Variants in IMPDH1 observed in about 807,000 individuals in gnomAD.
IMPDH1 encodes the protein inosine monophosphate dehydrogenase 1, also known as inosine-5'-monophosphate dehydrogenase 1.
IMPDH1 carries 41 observed loss-of-function variants against 73.5 expected under a neutral mutation model. That is an observed-to-expected ratio of 0.56 (90% CI 0.43 to 0.72). IMPDH1 has a LOEUF of 0.72. Among genes scored for constraint, IMPDH1 ranks in the 30% least tolerant of loss-of-function variants. IMPDH1 has a pLI of 0.00. For synonymous variants in IMPDH1, 318 were observed against 334.3 expected, an observed-to-expected ratio of 0.95 and a Z score of 0.53; for missense variants, 645 against 824.8, an observed-to-expected ratio of 0.78 and a Z score of 2.67.
Position 128,394,610 on chromosome 7 carries a change from G to A in IMPDH1, c.1551-11C>T. On this transcript the variant is annotated splice_polypyrimidine_tract_variant and intron_variant, in intron 14 of 16. Transcript: ENST00000338791. This position sits in a 1 kb window ranked among gnomAD's most constrained non-coding sequence, Gnocchi z 5.5. ...ACTTTATCCCCCTCGCTGCGTGGAG[G>A]GTGGAAGACTGAGCCCAGCAGCTTG... 6.2e-7 allele frequency: 1 copy of A among 1,613,104 alleles called. No homozygotes were observed.
rs1306879611 is a variant in IMPDH1 at position 128,403,727 on chromosome 7, T to C, written c.381A>G (p.Ile127Met). The C allele has an allele frequency of 1.9e-6, 3 of 1,614,030 alleles. No homozygotes were observed. Among genetic ancestry groups the C allele is most frequent in the Admixed American group, 1.7e-5 (1 of 60,022 alleles). The change falls in exon 5 of 17, where the codon ATA becomes ATG. Residue 127 changes from isoleucine to methionine, a missense_variant. Coordinates refer to ENST00000338791, the MANE Select transcript of IMPDH1 (RefSeq NM_000883.4). ...YNDFLILPGF[I>M]DFIADEVDLT... is the part of the protein sequence containing the mutation. ...TCACCACCTCATCAGCTATGAAGTC[T>C]ATGAATCCTGGGAGAATCAGGAAGT...
chr7:128,394,709 C>G lies in IMPDH1; in HGVS notation c.1551-110G>C. ...GCCCAGGAAGGTCCCCCAGGCCACCCCTCACTGGGCTGAGTCAGATGGCCC... is the reference window on the plus strand; with the variant it reads ...GCCCAGGAAGGTCCCCCAGGCCACCGCTCACTGGGCTGAGTCAGATGGCCC... On this transcript the variant is annotated intron_variant, in intron 14 of 16. Coordinates refer to ENST00000338791, the MANE Select transcript of IMPDH1 (RefSeq NM_000883.4). The surrounding 1 kb of genome is among the most constrained non-coding windows in gnomAD (Gnocchi z 5.5). The G allele has an allele frequency of 6.9e-7, 1 of 1,452,846 alleles. No individual in the cohort carries two copies. Among genetic ancestry groups the G allele is most frequent in the Non-Finnish European group, 9.5e-7 (1 of 1,050,792 alleles). 90.0% of individuals were successfully genotyped at this position (1,452,846 alleles called of 1,614,324 possible).
chr7:128,399,191 C>T (rs985344246), intron 9 of IMPDH1, among the ~76,000 whole-genome samples: 6 of 151,698 alleles, frequency 4.0e-5, no homozygotes, highest in African/African-American at 1.5e-4. Flanking sequence ...TGGTGAAACC[C>T]CATCTCTACT....
rs1432272863 is a variant in IMPDH1, at chr7:128,394,322, C to T, written c.1734G>A (p.Arg578=). 6.2e-7 allele frequency: 1 copy of T among 1,614,080 alleles called. No individual in the cohort carries two copies. Among genetic ancestry groups the T allele is most frequent in the African/African-American group, 1.3e-5 (1 of 75,008 alleles). The change falls in exon 16 of 17, where the codon CGG becomes CGA. Residue 578 remains arginine (R), a synonymous_variant. Coordinates refer to ENST00000338791, the MANE Select transcript of IMPDH1 (RefSeq NM_000883.4). The surrounding 1 kb of genome is among the most constrained non-coding windows in gnomAD (Gnocchi z 5.5). ...CACCCTCAATCTGGGCCGACATGGT[C>T]CGCTTCTCAAACTTGAGCTCTCCTG... ...MYSGELKFEK[R]TMSAQIEGGV... is the part of the protein sequence containing the mutation.
chr7:128,401,084 C>G lies in IMPDH1; in HGVS notation c.435G>C (p.Thr145=). 6.2e-7 allele frequency: 1 copy of G among 1,613,946 alleles called. No individual in the cohort carries two copies. The highest frequency in any genetic ancestry group is 8.5e-7 in the Non-Finnish European group (1 of 1,180,008). The change falls in exon 6 of 17, where the codon ACG becomes ACC. Residue 145 remains threonine (T), a synonymous_variant. Coordinates refer to ENST00000338791, the MANE Select transcript of IMPDH1 (RefSeq NM_000883.4). ...DLTSALTRKI[T]LKTPLISSPM... ...GGGAGGAGATCAGTGGCGTCTTCAG[C>G]GTGATCTTCCGGGTCAGGGCTGAGG...
Position 128,408,494 on chromosome 7 carries a change from A to G in IMPDH1, c.254+795T>C, listed in dbSNP as rs539926220. ...GGCGAAGGCAGGTGGAGGTCTGGCC[A>G]GCAGGTTTTGAATCTCACTACACCA... On this transcript the variant is annotated intron_variant, in intron 3 of 16. Transcript: ENST00000338791. 1.4e-4 allele frequency among the ~76,000 whole-genome samples: 21 copies of G among 149,894 alleles called. No homozygotes were observed. The East Asian group carries it at 2.3e-3, about 16-fold the overall frequency.
At position 128,395,047 on chromosome 7, in the gene IMPDH1, G is replaced by A. The variant is rs1403483757; in HGVS notation, c.1406-14C>T. The A allele has an allele frequency of 6.2e-7, 1 of 1,613,914 alleles. No homozygotes were observed. Among genetic ancestry groups the A allele is most frequent in the African/African-American group, 1.3e-5 (1 of 75,046 alleles). On this transcript the variant is annotated splice_polypyrimidine_tract_variant and intron_variant, in intron 13 of 16. Transcript: ENST00000338791. ...AGCCCATCATCACTACAGTGGGCAA[G>A]GGATTAGTGCCTCCAGCCCACTAGT...
intron 3 of IMPDH1, among the ~76,000 whole-genome samples, chr7:128,407,519 C>T (rs1190650185): frequency 1.3e-5 from 2 of 152,164 alleles, no homozygotes; most frequent in South Asian, 2.1e-4. Context: ...TCACTGGCCA[C>T]GTGGAGCAGA....
chr7:128,399,167 C>T (rs529230948), intron 9 of IMPDH1, among the ~76,000 whole-genome samples: 2 of 152,038 alleles, frequency 1.3e-5, no homozygotes, highest in Non-Finnish European at 2.9e-5. Context: ...AGTTCAAGAA[C>T]AGCCCGGCCA....
chr7:128,394,666 G>A lies in IMPDH1; in HGVS notation c.1551-67C>T. 6.3e-7 allele frequency: 1 copy of A among 1,586,002 alleles called. No homozygotes were observed. The highest frequency in any genetic ancestry group is 8.6e-7 in the Non-Finnish European group (1 of 1,161,650). On this transcript the variant is annotated intron_variant, in intron 14 of 16. Transcript: ENST00000338791. The surrounding 1 kb of genome is among the most constrained non-coding windows in gnomAD (Gnocchi z 5.5). ...CAGAGGACCCCACCCCACCTCTTAAGGGCAAAAACGGGATACCGCCCAGGA... is the reference window on the plus strand; with the variant it reads ...CAGAGGACCCCACCCCACCTCTTAAAGGCAAAAACGGGATACCGCCCAGGA...
At chr7:128,401,545 GA>G (rs1798337727) in intron 5 of IMPDH1, among the ~76,000 whole-genome samples, 1 of 152,192 alleles carries the variant, frequency 6.6e-6, no homozygotes, top group Non-Finnish European at 1.5e-5. Flanking sequence ...GGAGTGGAGG[GA>G]AGGGAGAGGC....
At chr7:128,404,988 T>A (rs565315388) in intron 4 of IMPDH1, among the ~76,000 whole-genome samples, 1 of 152,318 alleles carries the variant, frequency 6.6e-6, no homozygotes, top group East Asian at 1.9e-4. Flanking sequence ...AGGGCAGGGC[T>A]GGCAGGAGAC....
chr7:128,407,191 G>A (rs1313249031), intron 3 of IMPDH1, among the ~76,000 whole-genome samples: 3 of 152,152 alleles, frequency 2.0e-5, no homozygotes, highest in African/African-American at 7.2e-5. Flanking sequence ...CCCCTCCCTG[G>A]CTTGGTGGCT....
intron 3 of IMPDH1, among the ~76,000 whole-genome samples, chr7:128,408,562 T>TG (rs1192714901): frequency 1.8e-5 from 1 of 56,306 alleles, no homozygotes; most frequent in African/African-American, 7.8e-5. Context: ...TGAGCCCAAG[T>TG]GGGGGGTGCG....
At chr7:128,405,648 C>A in intron 4 of IMPDH1, 119 bp downstream of exon 4, 1 of 1,368,518 alleles carries the variant, frequency 7.3e-7, no homozygotes, top group Non-Finnish European at 9.5e-7. Context: ...GCCCCCAGCG[C>A]CCACAGCAGG....
intron 9 of IMPDH1, among the ~76,000 whole-genome samples, chr7:128,399,450 G>A (rs1380407398): frequency 1.3e-5 from 2 of 151,182 alleles, no homozygotes; most frequent in African/African-American, 4.9e-5. Flanking sequence ...GCCCAGGAGG[G>A]CAGATCACTT....
chr7:128,405,631 GTGCCCAGCCC>G (rs1798669430), intron 4 of IMPDH1, 126 bp downstream of exon 4: 3 of 1,290,482 alleles, frequency 2.3e-6, no homozygotes, highest in Non-Finnish European at 3.0e-6. Context: ...CTTCCTTCCC[GTGCCCAGCCC>G]CCAGCGCCCA....
At chr7:128,404,203 G>A (rs527583301) in intron 4 of IMPDH1, among the ~76,000 whole-genome samples, 1 of 152,322 alleles carries the variant, frequency 6.6e-6, no homozygotes, top group South Asian at 2.1e-4. Flanking sequence ...ACCCAGCACA[G>A]GACAGTCCGC....
rs181777440 is a variant in IMPDH1, at chr7:128,401,749, G to C, written c.403-633C>G. Among the ~76,000 whole-genome samples the C allele has an allele frequency of 8.2e-4, 125 of 152,292 alleles. 1 individual carries two copies. Among genetic ancestry groups the C allele is most frequent in the Non-Finnish European group, 1.5e-3 (103 of 68,020 alleles). On this transcript the variant is annotated intron_variant, in intron 5 of 16. Transcript: ENST00000338791. ...CTGAGGTGGGGGTAGGCATGGAAAA[G>C]AGTCTTTTAGGCATCCAGGAAAGCA...
Sources: allele counts gnomAD v4.1 joint callset (sites outside exome capture counted in the v4.1 genomes callset), GRCh38; gene constraint gnomAD v4.1.1; non-coding constraint Gnocchi (gnomAD v3.1); transcripts MANE v1.5; gene names NCBI Gene and HGNC (gene_info 2026-07-23, HGNC 2026-07-21).